NOL10: variants seen among roughly 807,000 people sequenced by gnomAD.
The protein encoded by NOL10 is nucleolar protein 10.
NOL10 carries 58 observed loss-of-function variants against 103.5 expected under a neutral mutation model. That is an observed-to-expected ratio of 0.56 (90% CI 0.45 to 0.70). The LOEUF (loss-of-function observed/expected upper bound fraction) is 0.70, where lower values mean the gene tolerates loss of function less well. Among genes scored for constraint, NOL10 ranks in the 30% least tolerant of loss-of-function variants. The pLI is 0.00. For missense variants in NOL10, 763 were observed against 807.3 expected, an observed-to-expected ratio of 0.95 and a Z score of 0.67; for synonymous variants, 287 against 282.5, an observed-to-expected ratio of 1.02 and a Z score of -0.16.
chr2:10,628,777 G>A (rs1227870073), intron 13 of NOL10, among the ~76,000 whole-genome samples: 1 of 152,134 alleles, frequency 6.6e-6, no homozygotes, highest in Admixed American at 6.5e-5. Flanking sequence ...GCAGTATTAG[G>A]AAACAACACA....
chr2:10,671,399 G>A (rs944784240), intron 6 of NOL10, among the ~76,000 whole-genome samples, 155 bp downstream of exon 6: 4 of 140,424 alleles, frequency 2.8e-5, no homozygotes, highest in African/African-American at 1.1e-4. Context: ...CCTATCCTGT[G>A]TTTTCTTTTC....
chr2:10,648,138 G>T (rs185004264), intron 12 of NOL10, among the ~76,000 whole-genome samples: 2 of 152,310 alleles, frequency 1.3e-5, no homozygotes, highest in African/African-American at 4.8e-5. Flanking sequence ...TAGGAGCAGG[G>T]CCCTGAACAA....
At chr2:10,609,850 G>A (rs1267086864) in intron 13 of NOL10, among the ~76,000 whole-genome samples, 1 of 152,080 alleles carries the variant, frequency 6.6e-6, no homozygotes, top group Admixed American at 6.5e-5. Context: ...CCAAGATATT[G>A]TCCTCTGAGG....
At chr2:10,662,859 A>G in intron 9 of NOL10, 100 bp downstream of exon 9, 1 of 907,570 alleles carries the variant, frequency 1.1e-6, no homozygotes, top group Non-Finnish European at 1.7e-6. Flanking sequence ...GGAAAGTACA[A>G]TTTCAGATAT....
chr2:10,583,739 C>T (rs554970389), intron 19 of NOL10, among the ~76,000 whole-genome samples: 3 of 152,324 alleles, frequency 2.0e-5, no homozygotes, highest in South Asian at 4.1e-4. Flanking sequence ...TCCACCCCAT[C>T]GTTCAGGCCT....
At chr2:10,611,934 C>T (rs974812572) in intron 13 of NOL10, among the ~76,000 whole-genome samples, 21 of 151,522 alleles carry the variant, frequency 1.4e-4, no homozygotes, top group Non-Finnish European at 1.6e-4. Context: ...AAAAACAAAA[C>T]AAAACAAAAA....
At chr2:10,582,714 A>T (rs1210940091) in intron 19 of NOL10, among the ~76,000 whole-genome samples, 2 of 152,216 alleles carry the variant, frequency 1.3e-5, no homozygotes, top group East Asian at 3.9e-4. Flanking sequence ...CTTACCTGGT[A>T]CTCGGGCCCA....
chr2:10,573,804 G>A (rs141625726), intron 20 of NOL10, among the ~76,000 whole-genome samples: 1,555 of 152,046 alleles, frequency 0.01, 30 homozygotes, highest in Non-Finnish European at 0.018. Context: ...CTTCTGAAGT[G>A]CGTCCCAAAC....
At chr2:10,674,567 C>A (rs1423479102) in intron 4 of NOL10, among the ~76,000 whole-genome samples, 1 of 152,180 alleles carries the variant, frequency 6.6e-6, no homozygotes, top group African/African-American at 2.4e-5. Flanking sequence ...CAGCTGGGCG[C>A]AGTGGCTCAT....
At chr2:10,595,140 G>A (rs1214632566) in intron 17 of NOL10, among the ~76,000 whole-genome samples, 1 of 143,764 alleles carries the variant, frequency 7.0e-6, no homozygotes, top group African/African-American at 2.6e-5. Context: ...GGAGGGGGAG[G>A]GGGCAGAGAG....
intron 17 of NOL10, among the ~76,000 whole-genome samples, chr2:10,597,865 G>A (rs1675779453): frequency 1.3e-5 from 2 of 152,196 alleles, no homozygotes; most frequent in South Asian, 4.1e-4. Flanking sequence ...CTTTTCACTG[G>A]AAGTAAAATG....
chr2:10,593,296 C>T (rs1395294363), intron 17 of NOL10, among the ~76,000 whole-genome samples: 3 of 152,000 alleles, frequency 2.0e-5, no homozygotes, highest in Admixed American at 6.6e-5. Flanking sequence ...CGCGCCACCA[C>T]GGCCGGCTAA....
At chr2:10,639,270 A>G (rs1678536396) in intron 13 of NOL10, among the ~76,000 whole-genome samples, 1 of 152,084 alleles carries the variant, frequency 6.6e-6, no homozygotes, top group African/African-American at 2.4e-5. Flanking sequence ...AAAATACAAA[A>G]AATTAGCTGG....
chr2:10,667,239 C>A lies in NOL10; in HGVS notation c.570G>T (p.Leu190Phe). Residue 190 changes from leucine to phenylalanine, a missense_variant, in exon 8 of 21, where the codon TTG (leucine) becomes TTT (phenylalanine). By Grantham distance (22) the Leu-to-Phe change is conservative. Transcript: ENST00000381685. ...NVCDINSVHG[L>F]FATGTIEGRV... is the part of the protein sequence containing the mutation. Reference sequence around the variant, plus strand: ...TTACCTCTATGGTTCCTGTGGCAAACAAGCCATGCACTGAATTTATGTCAC... The same window carrying A: ...TTACCTCTATGGTTCCTGTGGCAAAAAAGCCATGCACTGAATTTATGTCAC... 1 of 1,587,658 alleles carries A rather than the reference C, an allele frequency of 6.3e-7. No individual in the cohort carries two copies. Among genetic ancestry groups the A allele is most frequent in the Non-Finnish European group, 8.6e-7 (1 of 1,165,848 alleles).
chr2:10,643,220 A>T (rs1678835699), intron 13 of NOL10, among the ~76,000 whole-genome samples: 1 of 152,210 alleles, frequency 6.6e-6, no homozygotes, highest in Admixed American at 6.5e-5. Flanking sequence ...AGTATCCCGA[A>T]ACCACAGAGT....
chr2:10,578,775 TCTAA>T (rs1674602164), intron 19 of NOL10, among the ~76,000 whole-genome samples: 1 of 152,266 alleles, frequency 6.6e-6, no homozygotes, highest in African/African-American at 2.4e-5. Context: ...AAACAGTTAC[TCTAA>T]CTTTTCTAGA....
At chr2:10,635,650 A>G (rs879784260) in intron 13 of NOL10, among the ~76,000 whole-genome samples, 7 of 152,178 alleles carry the variant, frequency 4.6e-5, no homozygotes, top group Non-Finnish European at 1.0e-4. Flanking sequence ...TTAGTCACAG[A>G]TCTGTTTATC....
intron 4 of NOL10, among the ~76,000 whole-genome samples, 185 bp downstream of exon 4, chr2:10,675,609 G>C (rs900299653): frequency 1.4e-5 from 2 of 143,876 alleles, no homozygotes; most frequent in African/African-American, 2.6e-5. Context: ...CACAGAACCT[G>C]CATAGACTTA....
chr2:10,644,342 T>A lies in NOL10; in HGVS notation c.1004A>T (p.Lys335Met). ...GMLLTANETP[K>M]MGIYYIPVLG... The stretch of plus-strand genomic sequence containing the variant: ...TACTGGAATGTAATAGATGCCCATC[T>A]TGGGGGTTTCATTGGCCGTCAGAAG... Residue 335 changes from lysine to methionine, a missense_variant, in exon 13 of 21, where the codon AAG becomes ATG. Lys to Met is a moderately conservative substitution (Grantham distance 95). Transcript: ENST00000381685. 6.5e-7 allele frequency: 1 copy of A among 1,540,780 alleles called. No homozygotes were observed. The highest frequency in any genetic ancestry group is 8.7e-7 in the Non-Finnish European group (1 of 1,143,680).
Sources: gnomAD v4.1 joint callset for allele counts (sites outside exome capture counted in the v4.1 genomes callset) on GRCh38, gnomAD v4.1.1 for gene constraint, MANE v1.5 for transcripts, NCBI Gene and HGNC (gene_info 2026-07-23, HGNC 2026-07-21) for gene names.